The following XKR4 variants were observed in gnomAD, a reference collection of about 807,000 sequenced individuals.
The protein encoded by XKR4 is XK related 4.
A neutral mutation model predicts 53.9 loss-of-function variants in XKR4; 12 were observed. The observed-to-expected ratio is 0.22, with a 90% CI of 0.14 to 0.36. XKR4 has a LOEUF of 0.36. XKR4 is among the 10% of genes least tolerant of loss of function. XKR4 has a pLI of 1.00. For synonymous variants in XKR4, 354 were observed against 362.4 expected (o/e 0.98, Z 0.26); for missense variants, 799 against 859.5 (o/e 0.93, Z 0.88).
At chr8:55,247,855 C>CTTTTT (rs1166258777) in intron 1 of XKR4, among the ~76,000 whole-genome samples, 6 of 59,850 alleles carry the variant, frequency 1.0e-4, no homozygotes, top group Admixed American at 1.7e-4. Flanking sequence ...TTCTTTCTTT[C>CTTTTT]TTTTTTTTTT....
Position 55,327,442 on chromosome 8 carries a change from A to G in XKR4, c.807-30236A>G, listed in dbSNP as rs144385116. ...AGGAAAGTAGGTGCTCATAAAGTAC[A>G]CAAACTACTCAAATACCCTGTTTAA... is the stretch of plus-strand genomic sequence containing the variant. On this transcript the variant is annotated intron_variant, in intron 1 of 2. Transcript: ENST00000327381. 4.3e-3 allele frequency among the ~76,000 whole-genome samples: 652 copies of G among 152,234 alleles called. 2 individuals carry two copies. The highest frequency in any genetic ancestry group is 5.9e-3 in the Non-Finnish European group (403 of 68,022).
At chr8:55,393,082 T>A (rs2658905) in intron 2 of XKR4, among the ~76,000 whole-genome samples, 79,716 of 151,710 alleles carry the variant, frequency 0.53, 21,578 homozygotes, top group Middle Eastern at 0.6. Flanking sequence ...CCAAATAAAA[T>A]AATGGATTTA....
chr8:55,179,571 T>A (rs1817280361), intron 1 of XKR4, among the ~76,000 whole-genome samples: 1 of 152,204 alleles, frequency 6.6e-6, no homozygotes, highest in South Asian at 2.1e-4. Context: ...TTGTACAGAT[T>A]GAAGGAGTAT....
chr8:55,441,008 G>T (rs527338598), intron 2 of XKR4, among the ~76,000 whole-genome samples: 21 of 148,676 alleles, frequency 1.4e-4, no homozygotes, highest in African/African-American at 4.7e-4. Flanking sequence ...GAGCCCAGAA[G>T]CTTGATCCCA....
intron 1 of XKR4, among the ~76,000 whole-genome samples, chr8:55,344,901 T>C (rs1803612433): frequency 6.6e-6 from 1 of 152,246 alleles, no homozygotes; most frequent in South Asian, 2.1e-4. Context: ...TCATGAGAGA[T>C]ATGTATAAAA....
intron 2 of XKR4, among the ~76,000 whole-genome samples, chr8:55,512,191 A>G (rs1317213779): frequency 2.0e-5 from 3 of 152,308 alleles, no homozygotes; most frequent in Admixed American, 1.3e-4. Context: ...CCTCACTGCC[A>G]TCTTCACCCA....
intron 2 of XKR4, among the ~76,000 whole-genome samples, chr8:55,366,618 G>T (rs540756502): frequency 6.6e-6 from 1 of 152,216 alleles, no homozygotes; most frequent in South Asian, 2.1e-4. Context: ...TATTCCAATG[G>T]TCTGACTCCA....
intron 1 of XKR4, among the ~76,000 whole-genome samples, chr8:55,166,872 T>A (rs1260507191): frequency 6.6e-6 from 1 of 152,178 alleles, no homozygotes; most frequent in African/African-American, 2.4e-5. Flanking sequence ...TTGCTTTGAA[T>A]GATATATGAA....
intron 2 of XKR4, among the ~76,000 whole-genome samples, chr8:55,437,661 A>T (rs1411122571): frequency 6.6e-6 from 1 of 152,220 alleles, no homozygotes; most frequent in Non-Finnish European, 1.5e-5. Flanking sequence ...TACTCTACAT[A>T]CATAGTTTTA....
At chr8:55,271,832 C>T (rs1232648847) in intron 1 of XKR4, among the ~76,000 whole-genome samples, 1 of 152,208 alleles carries the variant, frequency 6.6e-6, no homozygotes, top group Non-Finnish European at 1.5e-5. Context: ...TTTTGTTTAG[C>T]TTCCTGGACT....
intron 1 of XKR4, among the ~76,000 whole-genome samples, chr8:55,169,238 C>T (rs1489521487): frequency 6.6e-6 from 1 of 152,180 alleles, no homozygotes; most frequent in Non-Finnish European, 1.5e-5. Context: ...TCTTATTTCC[C>T]TTACCTCTGT....
chr8:55,185,254 G>A (rs1469354478), intron 1 of XKR4, among the ~76,000 whole-genome samples: 3 of 152,120 alleles, frequency 2.0e-5, no homozygotes, highest in Non-Finnish European at 4.4e-5. Flanking sequence ...CTATGTAAAC[G>A]ACATGGAATA....
chr8:55,481,253 A>G (rs931444532), intron 2 of XKR4, among the ~76,000 whole-genome samples: 1 of 152,198 alleles, frequency 6.6e-6, no homozygotes, highest in African/African-American at 2.4e-5. Flanking sequence ...CATATCTACA[A>G]CCATCTGACT....
At chr8:55,144,694 G>A (rs1816748000) in intron 1 of XKR4, among the ~76,000 whole-genome samples, 1 of 152,018 alleles carries the variant, frequency 6.6e-6, no homozygotes, top group African/African-American at 2.4e-5. Flanking sequence ...TGTGGTTCTC[G>A]AGCTGCCTGT....
intron 1 of XKR4, among the ~76,000 whole-genome samples, chr8:55,168,024 G>T (rs553349446): frequency 6.6e-6 from 1 of 152,262 alleles, no homozygotes; most frequent in African/African-American, 2.4e-5. Context: ...AGGTACTTTT[G>T]GGAGATGATT....
chr8:55,466,645 T>A (rs1805776566), intron 2 of XKR4, among the ~76,000 whole-genome samples: 1 of 151,986 alleles, frequency 6.6e-6, no homozygotes, highest in African/African-American at 2.4e-5. Context: ...ATTAAAAAAA[T>A]ATATATGGAT....
intron 1 of XKR4, among the ~76,000 whole-genome samples, chr8:55,246,713 C>CTTT (rs5891565): frequency 3.5e-5 from 5 of 144,408 alleles, no homozygotes; most frequent in African/African-American, 1.3e-4. Flanking sequence ...CCATTAAAGT[C>CTTT]TTTTTTTTTT....
At chr8:55,506,498 G>T (rs911076628) in intron 2 of XKR4, among the ~76,000 whole-genome samples, 1 of 152,182 alleles carries the variant, frequency 6.6e-6, no homozygotes. Flanking sequence ...CTTATTAAGA[G>T]CCTGGCTGAA....
intron 2 of XKR4, among the ~76,000 whole-genome samples, chr8:55,366,900 C>A (rs1014753772): frequency 1.4e-4 from 21 of 152,166 alleles, no homozygotes; most frequent in Admixed American, 1.4e-3. Context: ...AAAACATGGA[C>A]CCACGCCACC....
Sources: gnomAD v4.1 joint callset for allele counts (sites outside exome capture counted in the v4.1 genomes callset) on GRCh38, gnomAD v4.1.1 for gene constraint, MANE v1.5 for transcripts, NCBI Gene and HGNC (gene_info 2026-07-23, HGNC 2026-07-21) for gene names.